Variants in NPAS3 observed in about 807,000 individuals in gnomAD.
NPAS3 encodes the protein neuronal PAS domain-containing protein 3.
A neutral mutation model predicts 73.1 loss-of-function variants in NPAS3; 14 were observed. That is an observed-to-expected ratio of 0.19 (90% CI 0.13 to 0.30). The LOEUF (loss-of-function observed/expected upper bound fraction) is 0.30, where lower values mean the gene tolerates loss of function less well. NPAS3 is among the 10% of genes least tolerant of loss of function. NPAS3 has a pLI of 1.00. For missense variants in NPAS3, 1,096 were observed against 1,250.0 expected, an observed-to-expected ratio of 0.88 and a Z score of 1.86; for synonymous variants, 620 against 541.5, an observed-to-expected ratio of 1.14 and a Z score of -2.01.
At chr14:33,484,244 A>G (rs1594999807) in intron 4 of NPAS3, among the ~76,000 whole-genome samples, 2 of 152,256 alleles carry the variant, frequency 1.3e-5, no homozygotes, top group East Asian at 3.9e-4. Context: ...CACCTCGTGA[A>G]AGGTCTGGAG....
rs530631450 is a variant in NPAS3 at position 33,786,489 on chromosome 14, CTT to C, written c.1154-7405_1154-7404del. Among the ~76,000 whole-genome samples, 8 of 152,326 alleles carry C rather than the reference CTT, an allele frequency of 5.3e-5. No individual in the cohort carries two copies. In the South Asian group the frequency reaches 1.5e-3, roughly 28 times the overall value. On this transcript the variant is annotated intron_variant, in intron 9 of 11. Coordinates refer to ENST00000356141, the Ensembl canonical transcript of NPAS3. Reference sequence around the variant, plus strand: ...TCTGAGTATAAGGTCCACATCATCCCTTTTGTCTGTTTTCACTTCTGCCTATG... The same window carrying C: ...TCTGAGTATAAGGTCCACATCATCCCTTGTCTGTTTTCACTTCTGCCTATG...
At chr14:33,369,796 C>T (rs2046006641) in intron 4 of NPAS3, among the ~76,000 whole-genome samples, 2 of 152,162 alleles carry the variant, frequency 1.3e-5, no homozygotes, top group Non-Finnish European at 2.9e-5. Context: ...AAGAGCCTCC[C>T]TTAAGCTATC....
intron 1 of NPAS3, among the ~76,000 whole-genome samples, chr14:33,028,213 A>C (rs2039871547): frequency 1.3e-5 from 2 of 152,204 alleles, no homozygotes; most frequent in Admixed American, 1.3e-4. Flanking sequence ...GCTTATAAAC[A>C]ATAGCTTTCC....
chr14:33,523,277 A>T (rs1258405292), intron 4 of NPAS3, among the ~76,000 whole-genome samples: 1 of 152,070 alleles, frequency 6.6e-6, no homozygotes, highest in East Asian at 1.9e-4. Context: ...AGAAAACAGC[A>T]TGACTCAAGG....
upstream of NPAS3, among the ~76,000 whole-genome samples, chr14:32,938,050 C>G (rs2035754582): frequency 2.0e-5 from 3 of 152,066 alleles, no homozygotes; most frequent in African/African-American, 7.2e-5. Flanking sequence ...TCCCGGGACC[C>G]GAGTCGGGAG....
intron 6 of NPAS3, among the ~76,000 whole-genome samples, chr14:33,692,470 A>G (rs1385246645): frequency 2.6e-5 from 4 of 152,146 alleles, no homozygotes; most frequent in African/African-American, 9.7e-5. Flanking sequence ...AATAGTGCAT[A>G]ATTAAACTAT....
chr14:33,330,974 G>A (rs1193125698), intron 3 of NPAS3, among the ~76,000 whole-genome samples: 1 of 152,206 alleles, frequency 6.6e-6, no homozygotes, highest in Non-Finnish European at 1.5e-5. Context: ...TGGAAAAGAG[G>A]AAACAAAAGT....
chr14:33,219,603 G>A (rs10483433), intron 3 of NPAS3, among the ~76,000 whole-genome samples: 46,450 of 151,998 alleles, frequency 0.31, 7,682 homozygotes, highest in Non-Finnish European at 0.37. Context: ...CACTATTTCG[G>A]GCATCTATTG....
intron 5 of NPAS3, among the ~76,000 whole-genome samples, chr14:33,609,584 A>G (rs2057687825): frequency 6.6e-6 from 1 of 152,056 alleles, no homozygotes; most frequent in African/African-American, 2.4e-5. Flanking sequence ...TAAGGGGGCT[A>G]TATTCTCTTC....
At chr14:33,355,304 G>A (rs55715001) in intron 3 of NPAS3, among the ~76,000 whole-genome samples, 13,145 of 152,034 alleles carry the variant, frequency 0.086, 734 homozygotes, top group Non-Finnish European at 0.13. Context: ...CAAGTAAACC[G>A]TTGCTCTTTT....
intron 5 of NPAS3, among the ~76,000 whole-genome samples, chr14:33,612,143 G>C (rs1262905699): frequency 1.3e-5 from 2 of 152,132 alleles, no homozygotes; most frequent in Admixed American, 6.5e-5. Flanking sequence ...GGGTCTGCTA[G>C]CTCTGGAAAT....
At chr14:33,093,916 C>A (rs2042315609) in intron 2 of NPAS3, among the ~76,000 whole-genome samples, 1 of 151,120 alleles carries the variant, frequency 6.6e-6, no homozygotes, top group Non-Finnish European at 1.5e-5. Context: ...GGGAAATGAA[C>A]AATGGGAACA....
chr14:33,152,947 A>G (rs2044508637), intron 2 of NPAS3, among the ~76,000 whole-genome samples: 1 of 151,176 alleles, frequency 6.6e-6, no homozygotes, highest in East Asian at 2.0e-4. Context: ...GAATTTTTTG[A>G]TGATTTTCAA....
At chr14:33,256,093 T>G (rs2048770566) in intron 3 of NPAS3, among the ~76,000 whole-genome samples, 1 of 152,212 alleles carries the variant, frequency 6.6e-6, no homozygotes, top group Non-Finnish European at 1.5e-5. Flanking sequence ...TAGGTTTATA[T>G]TCTAAGTAAC....
chr14:33,178,188 C>A (rs1195065335), intron 2 of NPAS3, among the ~76,000 whole-genome samples: 2 of 150,166 alleles, frequency 1.3e-5, no homozygotes, highest in Non-Finnish European at 2.9e-5. Context: ...GATGCTTTTG[C>A]CTCAGCCTCC....
chr14:33,535,135 G>A (rs2054205420), intron 4 of NPAS3, among the ~76,000 whole-genome samples: 2 of 152,250 alleles, frequency 1.3e-5, no homozygotes, highest in South Asian at 4.1e-4. Flanking sequence ...ACCAAGCGTA[G>A]TATTTACTCA....
At chr14:33,206,091 C>G (rs1052422681) in intron 2 of NPAS3, among the ~76,000 whole-genome samples, 6 of 151,850 alleles carry the variant, frequency 4.0e-5, no homozygotes, top group African/African-American at 1.5e-4. Context: ...GTTTTCATAA[C>G]AATTATTATG....
In NPAS3 at chr14:33,432,615, C is replaced by T. The variant is rs146036243; in HGVS notation, c.468+65347C>T. 5.3e-3 allele frequency among the ~76,000 whole-genome samples: 810 copies of T among 152,254 alleles called. 4 individuals carry two copies. Among genetic ancestry groups the T allele is most frequent in the Middle Eastern group, 0.017 (5 of 294 alleles). On this transcript the variant is annotated intron_variant, in intron 4 of 11. Transcript: ENST00000356141. ...TTCAAAGGAGCCCTCTGCTGGACAG[C>T]TCTGTGTGATATCACATGCACGCAT...
At chr14:33,404,010 T>G (rs1230945215) in intron 4 of NPAS3, among the ~76,000 whole-genome samples, 5 of 152,194 alleles carry the variant, frequency 3.3e-5, no homozygotes, top group African/African-American at 1.2e-4. Flanking sequence ...AAGATAATGC[T>G]GTAAAGCAGC....
Sources: allele counts gnomAD v4.1 joint callset (sites outside exome capture counted in the v4.1 genomes callset), GRCh38; gene constraint gnomAD v4.1.1; transcripts MANE v1.5; gene names NCBI Gene and HGNC (gene_info 2026-07-23, HGNC 2026-07-21).